The following NSD2 variants were observed in gnomAD, a reference collection of about 807,000 sequenced individuals.
NSD2 encodes nuclear receptor binding SET domain protein 2, also known as histone-lysine N-methyltransferase NSD2.
In NSD2, 12 loss-of-function variants were observed where a neutral mutation model predicts 139.0. The observed-to-expected ratio is 0.09, with a 90% CI of 0.06 to 0.14. The LOEUF (loss-of-function observed/expected upper bound fraction) is 0.14. NSD2 is among the 10% of genes least tolerant of loss of function. The pLI, the probability that NSD2 is intolerant of heterozygous loss-of-function variation, is 1.00. For missense variants in NSD2, 1,155 were observed against 1,745.0 expected (o/e 0.66, Z 6.02); for synonymous variants, 669 against 648.7 (o/e 1.03, Z -0.48).
intron 1 of NSD2, among the ~76,000 whole-genome samples, chr4:1,882,850 C>T (rs1447780955): frequency 7.2e-5 from 11 of 152,160 alleles, no homozygotes; most frequent in Non-Finnish European, 1.5e-4. Context: ...GCATCATGAA[C>T]TCTGGAGTGG....
At position 1,884,833 on chromosome 4, in the gene NSD2, G is replaced by A. The variant is rs28469487; in HGVS notation, c.-30+13291G>A. 9.6e-3 allele frequency among the ~76,000 whole-genome samples: 1,468 copies of A among 152,184 alleles called. 27 individuals are homozygous for A. The highest frequency in any genetic ancestry group is 0.034 in the African/African-American group (1,395 of 41,520). ...TTTAAAATTCAACTGCCTGGGCTGG[G>A]CGTGGTGGCTCACGCCAGTAATCCC... On this transcript the variant is annotated intron_variant, in intron 1 of 21. Transcript: ENST00000508803.
chr4:1,980,325 G>C lies in NSD2; in HGVS notation c.*1416G>C. 1 of 233,288 alleles carries C rather than the reference G, an allele frequency of 4.3e-6. No individual in the cohort carries two copies. The highest frequency in any genetic ancestry group is 8.5e-6 in the Non-Finnish European group (1 of 118,040). 14.5% of individuals were successfully genotyped at this position (233,288 alleles called of 1,614,324 possible). ...AAGTCTGGAGCACCCTGAGAAGGGG[G>C]CACCATGTGTGCCTTTGCCCACGTG... On this transcript the variant is annotated 3_prime_UTR_variant, in exon 22 of 22. Transcript: ENST00000508803.
chr4:1,890,027 C>T (rs1274199424), intron 1 of NSD2, among the ~76,000 whole-genome samples: 2 of 152,156 alleles, frequency 1.3e-5, no homozygotes, highest in African/African-American at 4.8e-5. Context: ...CATTCTACTT[C>T]TGTCTTTATG....
rs1723879645 is a variant in NSD2 at position 1,948,553 on chromosome 4, G to C, written c.1882-2519G>C. ...TAGTTGTCTGTCCGGTGGCTGGGAG[G>C]GGGTGTGGTGGGAAAAAGTCGGAAT... On this transcript the variant is annotated intron_variant, in intron 9 of 21. Transcript: ENST00000508803. The surrounding 1 kb of genome is among the most constrained non-coding windows in gnomAD (Gnocchi z 4.5). 4.7e-6 allele frequency: 5 copies of C among 1,064,406 alleles called. No individual in the cohort carries two copies. Among genetic ancestry groups the C allele is most frequent in the African/African-American group, 1.6e-5 (1 of 60,850 alleles). 65.9% of individuals were successfully genotyped at this position (1,064,406 alleles called of 1,614,324 possible).
chr4:1,905,634 T>C (rs1485697038), intron 3 of NSD2, among the ~76,000 whole-genome samples: 1 of 152,148 alleles, frequency 6.6e-6, no homozygotes, highest in Admixed American at 6.5e-5. Flanking sequence ...CCCTGGCAGA[T>C]GTAGATGTTA....
At position 1,980,761 on chromosome 4, in the gene NSD2, G is replaced by A. The variant is rs1727678616; in HGVS notation, c.*1852G>A. ...GCTGTGTAGCCACTGACTTGCTCGCGCGGCCGTGGCCTCTGAGGGGCACTC... is the reference window on the plus strand; with the variant it reads ...GCTGTGTAGCCACTGACTTGCTCGCACGGCCGTGGCCTCTGAGGGGCACTC... On this transcript the variant is annotated 3_prime_UTR_variant, in exon 22 of 22. Transcript: ENST00000508803. 8.6e-6 allele frequency: 2 copies of A among 233,230 alleles called. No homozygotes were observed. Among genetic ancestry groups the A allele is most frequent in the Non-Finnish European group, 8.5e-6 (1 of 118,030 alleles). 14.4% of individuals were successfully genotyped at this position (233,230 alleles called of 1,614,324 possible). A position where few individuals can be genotyped will look rare whatever the true frequency, so the allele number is the denominator to read the frequency against.
Position 1,974,300 on chromosome 4 carries a change from T to C in NSD2, c.3373-563T>C, listed in dbSNP as rs1287758021. Reference sequence around the variant, plus strand: ...ATCTCCACTCTCTGTAACCTCCGCCTCCCGGGTTCAAGTGATTCTCCTGCC... The same window carrying C: ...ATCTCCACTCTCTGTAACCTCCGCCCCCCGGGTTCAAGTGATTCTCCTGCC... On this transcript the variant is annotated intron_variant, in intron 18 of 21. Transcript: ENST00000508803. This position sits in a 1 kb window ranked among gnomAD's most constrained non-coding sequence, Gnocchi z 4.0. 1.3e-5 allele frequency among the ~76,000 whole-genome samples: 2 copies of C among 151,706 alleles called. No individual in the cohort carries two copies. The highest frequency in any genetic ancestry group is 4.8e-5 in the African/African-American group (2 of 41,276).
chr4:1,972,263 CAA>C lies in NSD2; in HGVS notation c.3373-2599_3373-2598del, dbSNP rs1424701094. On this transcript the variant is annotated intron_variant, in intron 18 of 21. Transcript: ENST00000508803. The surrounding 1 kb of genome is among the most constrained non-coding windows in gnomAD (Gnocchi z 4.0). ...AGTTCGGCAGTGTCACTGACGGACACAAGAGATGATATGGATGAGTGGCGGTA... is the reference window on the plus strand; with the variant it reads ...AGTTCGGCAGTGTCACTGACGGACACGAGATGATATGGATGAGTGGCGGTA... Among the ~76,000 whole-genome samples, 4 of 152,048 alleles carry C rather than the reference CAA, an allele frequency of 2.6e-5. No individual in the cohort carries two copies. Among genetic ancestry groups the C allele is most frequent in the African/African-American group, 4.8e-5 (2 of 41,370 alleles).
At chr4:1,944,558 C>G (rs1443019639) in intron 9 of NSD2, 4 of 1,064,850 alleles carry the variant, frequency 3.8e-6, no homozygotes, top group Non-Finnish European at 4.6e-6. Flanking sequence ...CAGTGTAAAA[C>G]TTGAGGCATT....
intron 1 of NSD2, among the ~76,000 whole-genome samples, chr4:1,888,008 T>A (rs1715244206): frequency 6.6e-6 from 1 of 152,200 alleles, no homozygotes; most frequent in Non-Finnish European, 1.5e-5. Flanking sequence ...TCACATCATC[T>A]TCTGCGATGG....
chr4:1,965,540 A>G (rs1434199761), intron 18 of NSD2, among the ~76,000 whole-genome samples: 1 of 152,242 alleles, frequency 6.6e-6, no homozygotes, highest in African/African-American at 2.4e-5. Context: ...ACTCCAGATG[A>G]TCAAACTTTC....
chr4:1,872,633 A>AGAGAGAGAGAGC (rs1203166315), intron 1 of NSD2, among the ~76,000 whole-genome samples: 21 of 131,106 alleles, frequency 1.6e-4, no homozygotes, highest in South Asian at 1.0e-3. Context: ...AGAGAGAGAG[A>AGAGAGAGAGAGC]GAGCGCGCAG....
At chr4:1,946,858 G>T in intron 9 of NSD2, 1 of 1,058,326 alleles carries the variant, frequency 9.4e-7, no homozygotes, top group Non-Finnish European at 1.1e-6. Flanking sequence ...CATCTTTTTG[G>T]TTGGATACCT....
rs1290596307 is a variant in NSD2, at chr4:1,871,423, GCGCTGCGCCCGCCGCCGC to G, written c.-145_-128del. 4 of 145,262 alleles carry G rather than the reference GCGCTGCGCCCGCCGCCGC, an allele frequency of 2.8e-5. No individual in the cohort carries two copies. Among genetic ancestry groups the G allele is most frequent in the African/African-American group, 9.9e-5 (4 of 40,378 alleles). The allele number at this position is 145,262 out of a possible 1,614,324, so 9.0% of individuals were successfully genotyped here. A position where few individuals can be genotyped will look rare whatever the true frequency, so the allele number is the denominator to read the frequency against. ...CGCGCGCGAGAGCCTCGGCCTGGCCGCGCTGCGCCCGCCGCCGCCGCCGCCCCCTCCCCGCCTGGGCCC... is the reference window on the plus strand; with the variant it reads ...CGCGCGCGAGAGCCTCGGCCTGGCCGCGCCGCCCCCTCCCCGCCTGGGCCC... On this transcript the variant is annotated 5_prime_UTR_variant, in exon 1 of 22. Transcript: ENST00000508803.
intron 18 of NSD2, among the ~76,000 whole-genome samples, chr4:1,968,815 A>G (rs1197999163): frequency 6.6e-6 from 1 of 152,234 alleles, no homozygotes; most frequent in Non-Finnish European, 1.5e-5. Context: ...AGGAAGAACT[A>G]GATTAGATGC....
At chr4:1,901,314 G>A in intron 2 of NSD2, 63 bp downstream of exon 2, 1 of 1,386,590 alleles carries the variant, frequency 7.2e-7, no homozygotes, top group Non-Finnish European at 9.8e-7. Flanking sequence ...GCCACCCTAT[G>A]AGGGCACCTG....
chr4:1,918,773 A>C, intron 5 of NSD2, 150 bp downstream of exon 5: 1 of 1,098,754 alleles, frequency 9.1e-7, no homozygotes, highest in African/African-American at 1.6e-5. Context: ...ATTAGGGAAC[A>C]GCCATTCTGA....
chr4:1,928,933 G>C (rs1365511625), intron 5 of NSD2, among the ~76,000 whole-genome samples: 1 of 152,094 alleles, frequency 6.6e-6, no homozygotes, highest in Non-Finnish European at 1.5e-5. Context: ...TCAGGGTAGG[G>C]CCTGCTGGGT....
intron 5 of NSD2, among the ~76,000 whole-genome samples, chr4:1,927,588 G>A (rs1721085955): frequency 6.6e-6 from 1 of 151,694 alleles, no homozygotes; most frequent in African/African-American, 2.4e-5. Flanking sequence ...GTGTGGTGGT[G>A]CATGCCTATA....
Sources: allele counts gnomAD v4.1 joint callset (sites outside exome capture counted in the v4.1 genomes callset), GRCh38; gene constraint gnomAD v4.1.1; non-coding constraint Gnocchi (gnomAD v3.1); transcripts MANE v1.5; gene names NCBI Gene and HGNC (gene_info 2026-07-23, HGNC 2026-07-21).